The following SOX6 variants were observed in gnomAD, a reference collection of about 807,000 sequenced individuals.
SOX6 encodes the protein transcription factor SOX-6.
A neutral mutation model predicts 97.8 loss-of-function variants in SOX6; 11 were observed. The observed-to-expected ratio is 0.11, with a 90% CI of 0.07 to 0.19. The LOEUF (loss-of-function observed/expected upper bound fraction) is 0.19, where lower values mean the gene tolerates loss of function less well. SOX6 is among the 10% of genes least tolerant of loss of function. The pLI, the probability that SOX6 is intolerant of heterozygous loss-of-function variation, is 1.00. For synonymous variants in SOX6, 360 were observed against 371.4 expected (o/e 0.97, Z 0.35); for missense variants, 810 against 1,039.5 (o/e 0.78, Z 3.04).
chr11:16,661,523 CCT>C (rs1847765583), intron 3 of SOX6, among the ~76,000 whole-genome samples: 1 of 151,870 alleles, frequency 6.6e-6, no homozygotes, highest in Non-Finnish European at 1.5e-5. Context: ...AAAATCTTAC[CCT>C]CTTTTCTGCC....
At chr11:16,428,850 C>T (rs1859210935) in intron 1 of SOX6, among the ~76,000 whole-genome samples, 1 of 151,910 alleles carries the variant, frequency 6.6e-6, no homozygotes, top group African/African-American at 2.4e-5. Context: ...TAGTTTTTTC[C>T]AATTCTATGA....
At chr11:16,098,325 T>C (rs1448122784) in intron 7 of SOX6, among the ~76,000 whole-genome samples, 1 of 151,828 alleles carries the variant, frequency 6.6e-6, no homozygotes, top group Non-Finnish European at 1.5e-5. Context: ...GAATCATGCA[T>C]ACTAAGCACT....
chr11:16,650,023 G>A (rs1847623547), intron 3 of SOX6, among the ~76,000 whole-genome samples: 1 of 152,032 alleles, frequency 6.6e-6, no homozygotes, highest in African/African-American at 2.4e-5. Flanking sequence ...AGCAACAACA[G>A]TATAAAAAGA....
At chr11:16,427,699 T>C (rs1387337943) in intron 1 of SOX6, among the ~76,000 whole-genome samples, 4 of 152,334 alleles carry the variant, frequency 2.6e-5, no homozygotes, top group Admixed American at 2.6e-4. Context: ...ATGGTGTATA[T>C]GTGCCACATT....
intron 12 of SOX6, among the ~76,000 whole-genome samples, chr11:16,039,217 G>A (rs1216639851): frequency 2.0e-5 from 3 of 151,854 alleles, no homozygotes; most frequent in Non-Finnish European, 4.4e-5. Flanking sequence ...TTTACTGCAC[G>A]TATCACTGCA....
At chr11:16,214,109 G>A (rs1411990272) in intron 4 of SOX6, among the ~76,000 whole-genome samples, 1 of 152,196 alleles carries the variant, frequency 6.6e-6, no homozygotes, top group Non-Finnish European at 1.5e-5. Flanking sequence ...TTAAAATGCA[G>A]CCAATGTTAC....
chr11:16,218,397 C>T (rs923156721), intron 4 of SOX6, among the ~76,000 whole-genome samples: 1 of 152,110 alleles, frequency 6.6e-6, no homozygotes, highest in East Asian at 1.9e-4. Flanking sequence ...ACTCTCTCTG[C>T]ACATCAGAAT....
chr11:16,299,414 G>A (rs1047374600), intron 3 of SOX6, among the ~76,000 whole-genome samples: 6 of 151,998 alleles, frequency 3.9e-5, no homozygotes, highest in African/African-American at 1.4e-4. Flanking sequence ...CTCCTTATAT[G>A]AGCCCAGATT....
At chr11:16,006,829 C>T (rs1475705413) in intron 13 of SOX6, among the ~76,000 whole-genome samples, 1 of 152,006 alleles carries the variant, frequency 6.6e-6, no homozygotes, top group African/African-American at 2.4e-5. Context: ...TCCCTCCATG[C>T]CCATAACAGT....
chr11:16,095,844 G>C (rs1848780628), intron 9 of SOX6, 152 bp downstream of exon 9: 9 of 891,696 alleles, frequency 1.0e-5, no homozygotes, highest in Non-Finnish European at 1.5e-5. Context: ...AGGGGCAAAA[G>C]AAGAGCCTCC....
At chr11:16,702,389 A>T (rs1025360625) in intron 3 of SOX6, among the ~76,000 whole-genome samples, 1 of 152,160 alleles carries the variant, frequency 6.6e-6, no homozygotes, top group Non-Finnish European at 1.5e-5. Context: ...AGATTTTTTT[A>T]ATCGTCTACT....
chr11:16,174,205 G>C (rs1851120157), intron 6 of SOX6, among the ~76,000 whole-genome samples: 1 of 151,706 alleles, frequency 6.6e-6, no homozygotes, highest in African/African-American at 2.4e-5. Context: ...AGCCACTGCA[G>C]AAAACTCAAC....
intron 1 of SOX6, among the ~76,000 whole-genome samples, chr11:16,364,912 C>G (rs575206454): frequency 8.5e-5 from 13 of 152,060 alleles, no homozygotes; most frequent in Non-Finnish European, 1.6e-4. Flanking sequence ...ATCTGTAAAA[C>G]TGGGATTGTA....
At chr11:16,406,322 T>C (rs1388997377) in intron 1 of SOX6, among the ~76,000 whole-genome samples, 1 of 152,104 alleles carries the variant, frequency 6.6e-6, no homozygotes, top group African/African-American at 2.4e-5. Context: ...ACAAGAATGC[T>C]ACAGGTTTAA....
chr11:16,324,608 T>C (rs1454318696), intron 2 of SOX6, among the ~76,000 whole-genome samples: 2 of 152,192 alleles, frequency 1.3e-5, no homozygotes, highest in Non-Finnish European at 1.5e-5. Context: ...TAGTTGTCCA[T>C]ATGTATGGGG....
chr11:16,616,622 T>C (rs1046626923), intron 3 of SOX6, among the ~76,000 whole-genome samples: 7 of 151,960 alleles, frequency 4.6e-5, no homozygotes, highest in Admixed American at 4.6e-4. Context: ...TTTATCTTTT[T>C]ACTTTTATAA....
intron 1 of SOX6, among the ~76,000 whole-genome samples, chr11:16,433,034 A>C (rs1404236747): frequency 6.6e-6 from 1 of 151,992 alleles, no homozygotes; most frequent in South Asian, 2.1e-4. Flanking sequence ...TCAAAATGAC[A>C]TATCAAGGCC....
At chr11:16,043,519 T>C (rs1281967384) in intron 12 of SOX6, among the ~76,000 whole-genome samples, 1 of 152,134 alleles carries the variant, frequency 6.6e-6, no homozygotes, top group African/African-American at 2.4e-5. Flanking sequence ...AGTGCCAAAA[T>C]AGGGATTTAC....
At chr11:16,210,543 A>G (rs1412678162) in intron 4 of SOX6, among the ~76,000 whole-genome samples, 1 of 152,194 alleles carries the variant, frequency 6.6e-6, no homozygotes. Flanking sequence ...GGTGATGTAC[A>G]TATTCTAAAA....
Sources: allele counts gnomAD v4.1 joint callset (sites outside exome capture counted in the v4.1 genomes callset), GRCh38; gene constraint gnomAD v4.1.1; transcripts MANE v1.5; gene names NCBI Gene and HGNC (gene_info 2026-07-23, HGNC 2026-07-21).